Variants in NMRAL1 observed in about 807,000 individuals in gnomAD.
The protein encoded by NMRAL1 is NmrA like redox sensor 1.
A neutral mutation model predicts 27.5 loss-of-function variants in NMRAL1; 32 were observed. The observed-to-expected ratio is 1.16, with a 90% CI of 0.88 to 1.56. The LOEUF is 1.56. Ranked by LOEUF, NMRAL1 falls within the 40% of genes most tolerant of loss-of-function variation. NMRAL1 has a pLI of 0.00. For synonymous variants in NMRAL1, 166 were observed against 166.8 expected (o/e 1.00, Z 0.04); for missense variants, 420 against 392.0 (o/e 1.07, Z -0.60).
Position 4,474,087 on chromosome 16 carries a change from G to A in NMRAL1, c.40+6C>T, listed in dbSNP as rs2057718933. 2 of 1,610,668 alleles carry A rather than the reference G, an allele frequency of 1.2e-6. No individual in the cohort carries two copies. The highest frequency in any genetic ancestry group is 1.7e-5 in the Admixed American group (1 of 59,784). ...TGCAAGGGCCCCAGTCTGGGGTTTG[G>A]CTCACCTGTGCCTCCGAAAACCACC... On this transcript the variant is annotated splice_donor_region_variant and intron_variant, in intron 2 of 5. Coordinates refer to ENST00000283429, the MANE Select transcript of NMRAL1 (RefSeq NM_020677.6).
rs372774300 is a variant in NMRAL1 at position 4,463,833 on chromosome 16, C to T, written c.547G>A (p.Val183Ile). The change falls in exon 5 of 6, where the codon GTT becomes ATT. Residue 183 changes from valine to isoleucine, a missense_variant. Transcript: ENST00000283429. ...GACACGGACATGCCATCCATGGGAA[C>T]GTCACCTGTGGGCAAGCCTGTGGGG... ...SYLLSLPTGD[V>I]PMDGMSVSDL... 2.4e-5 allele frequency: 39 copies of T among 1,613,358 alleles called. No homozygotes were observed. The highest frequency in any genetic ancestry group is 2.9e-5 in the Non-Finnish European group (34 of 1,179,676).
chr16:4,465,083 TG>T (rs940628816), intron 4 of NMRAL1, among the ~76,000 whole-genome samples: 2 of 152,012 alleles, frequency 1.3e-5, no homozygotes, highest in African/African-American at 4.8e-5. Context: ...GGCTAATTTT[TG>T]TATTTTTAGT....
chr16:4,469,696 C>T (rs2057476141), intron 2 of NMRAL1: 1 of 811,856 alleles, frequency 1.2e-6, no homozygotes, highest in Admixed American at 3.0e-5. Context: ...TGAAACCCCG[C>T]CTCTATCAAA....
chr16:4,473,595 C>T (rs189238227), intron 2 of NMRAL1, among the ~76,000 whole-genome samples: 93 of 152,106 alleles, frequency 6.1e-4, no homozygotes, highest in African/African-American at 1.9e-3. Context: ...TGTTCAAGTA[C>T]TCCTATTCAA....
In NMRAL1 at chr16:4,469,238, C is replaced by T. The variant is rs553535524; in HGVS notation, c.268G>A (p.Glu90Lys). Residue 90 changes from glutamate (E) to lysine (K), a missense_variant, in exon 3 of 6, where the codon GAG (glutamate) becomes AAG (lysine). By Grantham distance (56) the Glu-to-Lys change is moderately conservative (BLOSUM62 1). Transcript: ENST00000283429. ...CTGCCTGCCCTCACCTGCTTGACCTCCTGCTCCTGGCTGCAGCTCTCCCAG... is the reference window on the plus strand; with the variant it reads ...CTGCCTGCCCTCACCTGCTTGACCTTCTGCTCCTGGCTGCAGCTCTCCCAG... ...NYWESCSQEQEVKQGKLLADL... is the reference protein window; with the variant it reads ...NYWESCSQEQKVKQGKLLADL... 339 of 1,613,488 alleles carry T rather than the reference C, an allele frequency of 2.1e-4. 8 individuals are homozygous for T. In the South Asian group the frequency reaches 3.4e-3, roughly 16 times the overall value.
At chr16:4,467,879 C>G (rs917436859) in intron 3 of NMRAL1, among the ~76,000 whole-genome samples, 5 of 151,992 alleles carry the variant, frequency 3.3e-5, no homozygotes, top group African/African-American at 1.2e-4. Context: ...CTCGGCCTCC[C>G]AAAGTGTGGG....
chr16:4,463,713 C>T lies in NMRAL1; in HGVS notation c.667G>A (p.Glu223Lys). Residue 223 changes from glutamate (E) to lysine (K), a missense_variant, in exon 5 of 6, where the codon GAG becomes AAG. Physicochemically the swap from Glu to Lys is moderately conservative, Grantham distance 56 (BLOSUM62 1). Coordinates refer to ENST00000283429, the MANE Select transcript of NMRAL1 (RefSeq NM_020677.6). ...GLSTCRHTAE[E>K]YAALLTKHTR... is the part of the protein sequence containing the mutation. ...TGCTTGGTGAGCAGGGCAGCGTACT[C>T]CTCGGCCGTGTGCCTGCAAGTGCTC... is the stretch of plus-strand genomic sequence containing the variant. The T allele has an allele frequency of 6.2e-7, 1 of 1,614,092 alleles. No homozygotes were observed. Among genetic ancestry groups the T allele is most frequent in the South Asian group, 1.1e-5 (1 of 91,088 alleles).
At chr16:4,467,547 A>G (rs2057375491) in intron 3 of NMRAL1, among the ~76,000 whole-genome samples, 1 of 151,310 alleles carries the variant, frequency 6.6e-6, no homozygotes, top group South Asian at 2.1e-4. Flanking sequence ...AAGACTCTGG[A>G]GAGAGGGTGA....
At chr16:4,469,573 C>A (rs2057470023) in intron 2 of NMRAL1, 108 bp from the exon 3 acceptor site, 2 of 1,542,648 alleles carry the variant, frequency 1.3e-6, no homozygotes, top group Non-Finnish European at 1.7e-6. Context: ...TCCAGGAAAC[C>A]TTCTCAACGA....
At chr16:4,464,430 C>T (rs1441276952) in intron 4 of NMRAL1, among the ~76,000 whole-genome samples, 4 of 152,082 alleles carry the variant, frequency 2.6e-5, no homozygotes, top group African/African-American at 9.7e-5. Flanking sequence ...GACTCGCAAA[C>T]TTCCAGGCTG....
chr16:4,463,385 A>C (rs1173485810), intron 5 of NMRAL1: 1 of 506,082 alleles, frequency 2.0e-6, no homozygotes, highest in Admixed American at 4.3e-5. Context: ...CCCACAGAGG[A>C]GCCCGGCAGG....
chr16:4,464,569 A>C (rs1344317966), intron 4 of NMRAL1, among the ~76,000 whole-genome samples: 2 of 150,968 alleles, frequency 1.3e-5, no homozygotes, highest in Non-Finnish European at 2.9e-5. Context: ...GCTCGAGGGC[A>C]CAGAGCGCAC....
rs147296132 is a variant in NMRAL1 at position 4,465,367 on chromosome 16, A to G, written c.529+786T>C. Among the ~76,000 whole-genome samples, 424 of 152,162 alleles carry G rather than the reference A, an allele frequency of 2.8e-3. 4 individuals are homozygous for G. Among genetic ancestry groups the G allele is most frequent in the African/African-American group, 9.6e-3 (400 of 41,514 alleles). ...AAGGAGTGGCCAGCCAGAGGCACCA[A>G]CCCCTCCTGCCCTGATCACTGAGTG... On this transcript the variant is annotated intron_variant, in intron 4 of 5. Coordinates refer to ENST00000283429, the MANE Select transcript of NMRAL1 (RefSeq NM_020677.6).
intron 5 of NMRAL1, among the ~76,000 whole-genome samples, chr16:4,462,786 G>C (rs1163305626): frequency 1.3e-5 from 2 of 151,944 alleles, no homozygotes; most frequent in African/African-American, 4.8e-5. Flanking sequence ...GCCTCCCAAA[G>C]TGCTAGGATT....
At position 4,466,143 on chromosome 16, in the gene NMRAL1, G is replaced by A. The variant is rs149975780; in HGVS notation, c.529+10C>T. The A allele has an allele frequency of 6.2e-7, 1 of 1,613,880 alleles. No individual in the cohort carries two copies. Among genetic ancestry groups the A allele is most frequent in the Non-Finnish European group, 8.5e-7 (1 of 1,179,850 alleles). ...GCTCTGCCTCACCGTGTGCGAGAAA[G>A]GGCACTTACTCAGCAAGTAGCTCTT... is the stretch of plus-strand genomic sequence containing the variant. On this transcript the variant is annotated intron_variant, in intron 4 of 5. Transcript: ENST00000283429.
chr16:4,472,743 C>G (rs969520905), intron 2 of NMRAL1, among the ~76,000 whole-genome samples: 4 of 77,078 alleles, frequency 5.2e-5, no homozygotes, highest in South Asian at 9.4e-4. Context: ...GACTCTGTCT[C>G]AAAAAAAAAA....
Position 4,461,963 on chromosome 16 carries a change from G to A in NMRAL1, c.721-4C>T. The A allele has an allele frequency of 6.2e-7, 1 of 1,608,824 alleles. No individual in the cohort carries two copies. Among genetic ancestry groups the A allele is most frequent in the African/African-American group, 1.3e-5 (1 of 74,936 alleles). ...TTTCGTAGTCCTCAGGAGTCATCTG[G>A]AAGCAGAGGAGCCTGTCGTGGCCGG... On this transcript the variant is annotated splice_polypyrimidine_tract_variant and splice_region_variant and intron_variant, in intron 5 of 5. Transcript: ENST00000283429.
In NMRAL1 at chr16:4,461,950, C is replaced by A; in HGVS notation, c.730G>T (p.Glu244Ter). The A allele has an allele frequency of 6.2e-7, 1 of 1,611,730 alleles. No homozygotes were observed. Among genetic ancestry groups the A allele is most frequent in the Non-Finnish European group, 8.5e-7 (1 of 1,178,792 alleles). Residue 244 changes from glutamate (E) to a stop codon, truncating the protein, a stop_gained, in exon 6 of 6, where the codon GAG (glutamate) becomes TAG (stop). Coordinates refer to ENST00000283429, the MANE Select transcript of NMRAL1 (RefSeq NM_020677.6). LOFTEE classifies it high-confidence loss of function. Reference protein sequence around the residue: ...KVVHDAKMTPEDYEKLGFPGA... With the variant: ...KVVHDAKMTP ...GGAAAGCCAAGCTTTTCGTAGTCCT[C>A]AGGAGTCATCTGGAAGCAGAGGAGC...
At position 4,469,293 on chromosome 16, in the gene NMRAL1, C is replaced by A. The variant is rs143613220; in HGVS notation, c.213G>T (p.Gly71=). 142 of 1,614,170 alleles carry A rather than the reference C, an allele frequency of 8.8e-5. No individual in the cohort carries two copies. The African/African-American group carries it at 1.4e-3, about 16-fold the overall frequency. ...DQVIMELALN[G]AYATFIVTNY... Reference sequence around the variant, plus strand: ...TGGTCACGATGAAGGTGGCGTAAGCCCCATTCAGGGCCAGCTCCATGATGA... The same window carrying A: ...TGGTCACGATGAAGGTGGCGTAAGCACCATTCAGGGCCAGCTCCATGATGA... The change falls in exon 3 of 6, where the codon GGG becomes GGT. Residue 71 remains glycine (G), a synonymous_variant. Coordinates refer to ENST00000283429, the MANE Select transcript of NMRAL1 (RefSeq NM_020677.6).
Sources: gnomAD v4.1 joint callset for allele counts (sites outside exome capture counted in the v4.1 genomes callset) on GRCh38, gnomAD v4.1.1 for gene constraint, MANE v1.5 for transcripts, NCBI Gene and HGNC (gene_info 2026-07-23, HGNC 2026-07-21) for gene names.